The following MAGI2 variants were observed in gnomAD, a reference collection of about 807,000 sequenced individuals.
The protein encoded by MAGI2 is membrane-associated guanylate kinase, WW and PDZ domain-containing protein 2.
In MAGI2, 35 loss-of-function variants were observed where a neutral mutation model predicts 133.3. The ratio of observed to expected loss-of-function variants is 0.26; its 90% CI spans 0.20 to 0.35. The LOEUF (loss-of-function observed/expected upper bound fraction) is 0.35. Among genes scored for constraint, MAGI2 ranks in the 10% least tolerant of loss-of-function variants. MAGI2 has a pLI of 1.00. For missense variants in MAGI2, 1,636 were observed against 1,863.4 expected (o/e 0.88, Z 2.25); for synonymous variants, 729 against 710.6 (o/e 1.03, Z -0.41).
intron 6 of MAGI2, 113 bp from the exon 7 acceptor site, chr7:78,369,326 G>T: frequency 1.4e-6 from 1 of 700,908 alleles, no homozygotes; most frequent in Non-Finnish European, 2.4e-6. Context: ...GTGGAACAAA[G>T]CATTCAGAGT....
At chr7:78,550,117 C>T (rs1799210686) in intron 3 of MAGI2, among the ~76,000 whole-genome samples, 2 of 152,314 alleles carry the variant, frequency 1.3e-5, no homozygotes, top group African/African-American at 2.4e-5. Context: ...TTAGCAGATA[C>T]CCTATCTGCC....
chr7:78,740,465 C>A (rs1822303372), intron 2 of MAGI2, among the ~76,000 whole-genome samples: 1 of 152,176 alleles, frequency 6.6e-6, no homozygotes, highest in South Asian at 2.1e-4. Context: ...CATTCAAAAT[C>A]TTTAATCGCA....
intron 1 of MAGI2, among the ~76,000 whole-genome samples, chr7:79,148,709 G>C (rs936350178): frequency 6.6e-6 from 1 of 151,862 alleles, no homozygotes; most frequent in African/African-American, 2.4e-5. Context: ...AAGAGGGTGT[G>C]TGAAGAAAAT....
At chr7:78,449,603 G>A (rs936722885) in intron 6 of MAGI2, among the ~76,000 whole-genome samples, 6 of 152,016 alleles carry the variant, frequency 3.9e-5, no homozygotes, top group African/African-American at 1.4e-4. Context: ...ATTAAATACT[G>A]ATTTTGTATA....
chr7:78,725,643 GA>G (rs1820701455), intron 2 of MAGI2, among the ~76,000 whole-genome samples: 1 of 152,142 alleles, frequency 6.6e-6, no homozygotes, highest in Non-Finnish European at 1.5e-5. Flanking sequence ...TTAAAAGATA[GA>G]AAAAATTAGC....
At chr7:78,561,297 AG>A (rs1341862724) in intron 3 of MAGI2, among the ~76,000 whole-genome samples, 1 of 152,166 alleles carries the variant, frequency 6.6e-6, no homozygotes, top group East Asian at 1.9e-4. Flanking sequence ...GCAGGTGAGT[AG>A]GTAGTTGAAA....
intron 2 of MAGI2, among the ~76,000 whole-genome samples, chr7:78,781,077 T>C (rs987833719): frequency 2.0e-5 from 3 of 152,082 alleles, no homozygotes; most frequent in African/African-American, 7.2e-5. Context: ...GATACTGTGG[T>C]AAGAATACAG....
chr7:79,371,679 C>T (rs895053363), intron 1 of MAGI2, among the ~76,000 whole-genome samples: 3 of 152,004 alleles, frequency 2.0e-5, no homozygotes, highest in Non-Finnish European at 4.4e-5. Context: ...CTATGATGTT[C>T]GTACAATGGC....
At chr7:78,150,837 T>C (rs1823797188) in intron 16 of MAGI2, among the ~76,000 whole-genome samples, 1 of 152,146 alleles carries the variant, frequency 6.6e-6, no homozygotes, top group African/African-American at 2.4e-5. Flanking sequence ...TTTTAGAAAA[T>C]GCATTGTGAA....
Position 79,450,985 on chromosome 7 carries a change from T to C in MAGI2, c.301+2035A>G, listed in dbSNP as rs565251367. On this transcript the variant is annotated intron_variant, in intron 1 of 21. Coordinates refer to ENST00000354212, the MANE Select transcript of MAGI2 (RefSeq NM_012301.4). ...GATAGTCAGAATTCCTTTTCTTACC[T>C]GATAGCTTTTCGCTATTTAATGATA... is the stretch of plus-strand genomic sequence containing the variant. Among the ~76,000 whole-genome samples the C allele has an allele frequency of 2.0e-5, 3 of 152,362 alleles. No individual in the cohort carries two copies. The South Asian group carries it at 6.2e-4, about 32-fold the overall frequency.
intron 1 of MAGI2, among the ~76,000 whole-genome samples, chr7:79,154,453 A>C (rs1320511566): frequency 1.3e-5 from 2 of 152,216 alleles, no homozygotes; most frequent in Non-Finnish European, 2.9e-5. Flanking sequence ...AATGCCAGTA[A>C]AAGCACAAAT....
intron 1 of MAGI2, among the ~76,000 whole-genome samples, chr7:79,062,076 A>G (rs1320095964): frequency 6.6e-6 from 1 of 152,100 alleles, no homozygotes; most frequent in African/African-American, 2.4e-5. Flanking sequence ...TTTGATTACA[A>G]TTGCCACCCT....
chr7:78,234,319 T>A (rs1790280189), intron 10 of MAGI2, among the ~76,000 whole-genome samples: 1 of 152,180 alleles, frequency 6.6e-6, no homozygotes. Context: ...TGAAATGCAT[T>A]GTAATGCTCA....
At chr7:78,421,955 C>A (rs1031767434) in intron 6 of MAGI2, among the ~76,000 whole-genome samples, 2 of 152,022 alleles carry the variant, frequency 1.3e-5, no homozygotes, top group Admixed American at 1.3e-4. Flanking sequence ...TTCTAGCCAG[C>A]AAGGATATAT....
At chr7:79,117,658 A>C (rs1739200485) in intron 1 of MAGI2, among the ~76,000 whole-genome samples, 2 of 152,326 alleles carry the variant, frequency 1.3e-5, no homozygotes, top group South Asian at 4.1e-4. Context: ...TTATTACTAC[A>C]CAATACTTTT....
chr7:79,002,796 T>C (rs1209652884), intron 2 of MAGI2, among the ~76,000 whole-genome samples: 1 of 151,904 alleles, frequency 6.6e-6, no homozygotes, highest in Non-Finnish European at 1.5e-5. Context: ...ACTCAATATA[T>C]GCCCAACAAT....
intron 6 of MAGI2, among the ~76,000 whole-genome samples, chr7:78,402,025 T>C (rs1796919856): frequency 6.6e-6 from 1 of 152,172 alleles, no homozygotes; most frequent in African/African-American, 2.4e-5. Flanking sequence ...GCCTTTATCT[T>C]GCTCCCGATC....
chr7:78,500,182 C>T (rs1341074787), intron 5 of MAGI2, among the ~76,000 whole-genome samples: 10 of 152,182 alleles, frequency 6.6e-5, no homozygotes, highest in Non-Finnish European at 1.3e-4. Context: ...TTCAGAGTTT[C>T]CAACTTCACG....
At chr7:78,425,142 A>C (rs1799164081) in intron 6 of MAGI2, among the ~76,000 whole-genome samples, 1 of 152,112 alleles carries the variant, frequency 6.6e-6, no homozygotes, top group South Asian at 2.1e-4. Context: ...GAGGTGATTG[A>C]ATTATGGGGG....
Sources: gnomAD v4.1 joint callset for allele counts (sites outside exome capture counted in the v4.1 genomes callset) on GRCh38, gnomAD v4.1.1 for gene constraint, MANE v1.5 for transcripts, NCBI Gene and HGNC (gene_info 2026-07-23, HGNC 2026-07-21) for gene names.